Variants in PDS5A observed in about 807,000 individuals in gnomAD.
The protein encoded by PDS5A is sister chromatid cohesion protein PDS5 homolog A.
Under a neutral mutation model 167.1 loss-of-function variants are expected in PDS5A, and 42 were observed. The observed-to-expected ratio is 0.25, with a 90% confidence interval of 0.20 to 0.33. The LOEUF (loss-of-function observed/expected upper bound fraction) is 0.33. Ranked by LOEUF, PDS5A falls within the 10% of genes least tolerant of loss-of-function variation. The pLI is 1.00. For missense variants in PDS5A, 1,033 were observed against 1,605.9 expected (o/e 0.64, Z 6.10); for synonymous variants, 553 against 554.6 (o/e 1.00, Z 0.04).
At chr4:39,865,629 G>A (rs1719375484) in intron 23 of PDS5A, among the ~76,000 whole-genome samples, 1 of 152,234 alleles carries the variant, frequency 6.6e-6, no homozygotes, top group South Asian at 2.1e-4. Context: ...GGGTTCAAGT[G>A]ATTTTCATGC....
chr4:39,973,834 C>A lies in PDS5A; in HGVS notation c.138+2606G>T, dbSNP rs929652745. On this transcript the variant is annotated intron_variant, in intron 2 of 32. Transcript: ENST00000303538. The stretch of plus-strand genomic sequence containing the variant: ...GGCAGCTATTCCACAGACTCAGAAC[C>A]GTGCTGCAAGACCGGGCGCGGTGGC... 3.7e-5 allele frequency: 39 copies of A among 1,061,278 alleles called. No individual in the cohort carries two copies. In the East Asian group the frequency reaches 5.0e-4, roughly 14 times the overall value. 65.7% of individuals were successfully genotyped at this position (1,061,278 alleles called of 1,614,324 possible). A position where few individuals can be genotyped will look rare whatever the true frequency, so the allele number is the denominator to read the frequency against.
intron 32 of PDS5A, 184 bp downstream of exon 32, chr4:39,837,672 A>G (rs1429960519): frequency 2.0e-6 from 1 of 492,370 alleles, no homozygotes; most frequent in Non-Finnish European, 3.5e-6. Flanking sequence ...TTTTTCTTCA[A>G]ATTTGTGCCT....
intron 2 of PDS5A, chr4:39,973,053 A>G (rs1164189443): frequency 1.1e-5 from 7 of 610,746 alleles, no homozygotes; most frequent in Non-Finnish European, 1.7e-5. Flanking sequence ...TTTTTTTTCC[A>G]TATTTAAGTT....
chr4:39,858,403 G>C (rs914444263), intron 26 of PDS5A, among the ~76,000 whole-genome samples: 12 of 152,200 alleles, frequency 7.9e-5, no homozygotes, highest in African/African-American at 2.9e-4. Flanking sequence ...CCAGAAGTAA[G>C]CCCTTGCATA....
intron 2 of PDS5A, among the ~76,000 whole-genome samples, chr4:39,939,729 G>A (rs940206941): frequency 5.3e-5 from 8 of 151,470 alleles, no homozygotes; most frequent in Middle Eastern, 3.5e-3. Flanking sequence ...CCCAGGAGGC[G>A]GAGGCTGCAG....
intron 9 of PDS5A, among the ~76,000 whole-genome samples, chr4:39,911,338 G>A (rs1215824925): frequency 6.6e-6 from 1 of 151,484 alleles, no homozygotes; most frequent in African/African-American, 2.4e-5. Context: ...AGAGGTTGCA[G>A]TGAGCAGAGA....
intron 2 of PDS5A, among the ~76,000 whole-genome samples, chr4:39,938,757 G>A (rs896035558): frequency 1.3e-5 from 2 of 150,548 alleles, no homozygotes; most frequent in Non-Finnish European, 3.0e-5. Context: ...GGATCACAAG[G>A]TCAGGAGATC....
chr4:39,879,947 G>A (rs1395160938), intron 17 of PDS5A, 114 bp from the exon 18 acceptor site: 2 of 596,332 alleles, frequency 3.4e-6, no homozygotes, highest in African/African-American at 3.7e-5. Flanking sequence ...AGGAGTTTCT[G>A]TGGGGGAAAA....
At chr4:39,890,395 G>A (rs752613542) in intron 16 of PDS5A, 31 bp from the exon 17 acceptor site, 24 of 1,155,308 alleles carry the variant, frequency 2.1e-5, no homozygotes, top group Non-Finnish European at 2.8e-5. Context: ...TACCAAAAAC[G>A]TGATTTGCTT....
intron 2 of PDS5A, among the ~76,000 whole-genome samples, chr4:39,929,530 T>TATATATATAC (rs1455254424): frequency 1.6e-5 from 1 of 62,434 alleles, no homozygotes. Context: ...TATATATATA[T>TATATATATAC]ATATATATAT....
chr4:39,930,246 A>AAAAAAAAAAAAAAAAAAAAATTTTT lies in PDS5A; in HGVS notation c.139-2083_139-2082insAAAAATTTTTTTTTTTTTTTTTTTT. Among the ~76,000 whole-genome samples the AAAAAAAAAAAAAAAAAAAAATTTTT allele has an allele frequency of 3.2e-5, 3 of 93,090 alleles. 1 individual carries two copies. The highest frequency in any genetic ancestry group is 6.7e-5 in the Non-Finnish European group (3 of 44,474). 61.1% of individuals were successfully genotyped at this position (93,090 alleles called of 152,430 possible). On this transcript the variant is annotated intron_variant, in intron 2 of 32. Transcript: ENST00000303538. ...AAAAAAAAAAAAAAAAAAAAAAAAA[A>AAAAAAAAAAAAAAAAAAAAATTTTT]GTTTTTTTGTTTTTTGTTTTTTTTT... is the stretch of plus-strand genomic sequence containing the variant.
At chr4:39,916,384 G>C (rs1019910761) in intron 8 of PDS5A, among the ~76,000 whole-genome samples, 3 of 151,916 alleles carry the variant, frequency 2.0e-5, no homozygotes, top group African/African-American at 7.3e-5. Context: ...ACCATGAAAA[G>C]GTCATAAAAT....
chr4:39,862,903 G>A lies in PDS5A; in HGVS notation c.2937C>T (p.Arg979=), dbSNP rs1386233148. 4.3e-6 allele frequency: 7 copies of A among 1,610,682 alleles called. No individual in the cohort carries two copies. Among genetic ancestry groups the A allele is most frequent in the Non-Finnish European group, 4.2e-6 (5 of 1,179,030 alleles). The change falls in exon 25 of 33, where the codon CGC becomes CGT. Residue 979 remains arginine (R), a synonymous_variant. Coordinates refer to ENST00000303538, the MANE Select transcript of PDS5A (RefSeq NM_001100399.2). The part of the protein sequence containing the change: ...RQCLLKNISI[R]REYIKQNPMA... ...TAGGATTCTGCTTAATGTATTCCCT[G>A]CGTATACTGATATTTTTCAGTAAAC... is the stretch of plus-strand genomic sequence containing the variant.
chr4:39,973,979 A>T (rs1402636744), intron 2 of PDS5A: 1 of 488,400 alleles, frequency 2.0e-6, no homozygotes. Context: ...ACAAAAAATT[A>T]GCCGGGCATG....
intron 2 of PDS5A, among the ~76,000 whole-genome samples, chr4:39,935,701 T>C (rs1726529561): frequency 6.6e-6 from 1 of 152,240 alleles, no homozygotes; most frequent in Non-Finnish European, 1.5e-5. Context: ...AATCAGGTAG[T>C]ATGTGAATCA....
chr4:39,901,266 C>CTTTTTTTTTTT (rs772230554), intron 13 of PDS5A, among the ~76,000 whole-genome samples: 40 of 121,284 alleles, frequency 3.3e-4, no homozygotes, highest in Non-Finnish European at 4.7e-4. Context: ...TCTTTTCTTT[C>CTTTTTTTTTTT]TTTTTTTTTT....
intron 2 of PDS5A, among the ~76,000 whole-genome samples, chr4:39,944,166 G>C (rs2109772454): frequency 8.0e-6 from 1 of 124,504 alleles, no homozygotes; most frequent in African/African-American, 3.0e-5. Flanking sequence ...GAAACAGAGT[G>C]AGACTCCGTC....
chr4:39,879,932 T>C, intron 17 of PDS5A, 99 bp from the exon 18 acceptor site: 1 of 640,714 alleles, frequency 1.6e-6, no homozygotes, highest in Non-Finnish European at 2.6e-6. Flanking sequence ...AAATATTAAA[T>C]TCAAAGGAGT....
chr4:39,962,089 G>A (rs1441455857), intron 2 of PDS5A, among the ~76,000 whole-genome samples: 2 of 150,134 alleles, frequency 1.3e-5, no homozygotes, highest in South Asian at 2.1e-4. Context: ...ACGTAGTCTC[G>A]CTCTGTTGCC....
Sources: gnomAD v4.1 joint callset for allele counts (sites outside exome capture counted in the v4.1 genomes callset) on GRCh38, gnomAD v4.1.1 for gene constraint, MANE v1.5 for transcripts, NCBI Gene and HGNC (gene_info 2026-07-23, HGNC 2026-07-21) for gene names.